The following PCDH15 variants were observed in gnomAD, a reference collection of about 807,000 sequenced individuals.
PCDH15 encodes protocadherin-15.
In PCDH15, 129 loss-of-function variants were observed where a neutral mutation model predicts 178.5. The observed-to-expected ratio is 0.72, with a 90% CI of 0.63 to 0.84. The LOEUF (loss-of-function observed/expected upper bound fraction) is 0.84, where lower values mean the gene tolerates loss of function less well. Ranked by LOEUF, PCDH15 falls within the 40% of genes least tolerant of loss-of-function variation. The probability of loss-of-function intolerance (pLI) is 0.00; values close to 1 mark genes in which losing one functional copy is unlikely to be tolerated. For missense variants in PCDH15, 2,230 were observed against 2,099.9 expected (o/e 1.06, Z -1.21); for synonymous variants, 800 against 732.0 (o/e 1.09, Z -1.50).
At chr10:55,198,461 G>C (rs1840153397) in intron 1 of PCDH15, among the ~76,000 whole-genome samples, 1 of 152,018 alleles carries the variant, frequency 6.6e-6, no homozygotes, top group South Asian at 2.1e-4. Context: ...GTGTTTAAAA[G>C]CTGCTTTTAA....
chr10:55,193,685 ATG>A (rs1374817047), intron 1 of PCDH15, among the ~76,000 whole-genome samples: 4 of 151,974 alleles, frequency 2.6e-5, no homozygotes, highest in African/African-American at 9.7e-5. Context: ...TTTTCAACTT[ATG>A]TGTGTTTTTA....
chr10:55,304,014 T>C (rs1336878724), intron 1 of PCDH15, among the ~76,000 whole-genome samples: 1 of 152,192 alleles, frequency 6.6e-6, no homozygotes, highest in African/African-American at 2.4e-5. Context: ...TCTTCAAATG[T>C]ATGTATTTAG....
At chr10:55,377,281 T>G (rs1312618341) in intron 2 of PCDH15, among the ~76,000 whole-genome samples, 1 of 151,934 alleles carries the variant, frequency 6.6e-6, no homozygotes, top group African/African-American at 2.4e-5. Flanking sequence ...GCAGTTTGAC[T>G]TGCTATATGT....
chr10:54,354,290 G>A (rs892272442), intron 5 of PCDH15, among the ~76,000 whole-genome samples: 5 of 152,132 alleles, frequency 3.3e-5, no homozygotes, highest in African/African-American at 4.8e-5. Flanking sequence ...CGGCCCATAT[G>A]AGCTTAGAAG....
chr10:54,780,204 A>AG (rs1384320843), intron 1 of PCDH15, among the ~76,000 whole-genome samples: 48 of 152,326 alleles, frequency 3.2e-4, no homozygotes, highest in African/African-American at 1.1e-3. Flanking sequence ...TGAGCAAGCC[A>AG]GCAAGAAAGC....
At chr10:54,437,552 T>C (rs1196221695) in intron 3 of PCDH15, among the ~76,000 whole-genome samples, 1 of 152,186 alleles carries the variant, frequency 6.6e-6, no homozygotes, top group Non-Finnish European at 1.5e-5. Flanking sequence ...GATAACATGA[T>C]AAATAGGAAT....
rs1290641259 is a variant in PCDH15, at chr10:54,421,891, C to CACACTATATATATATAT, written c.158-42966_158-42950dup. On this transcript the variant is annotated intron_variant, in intron 3 of 37. Transcript: ENST00000644397. ...CACACTATATATATATATACACACACACACTATATATATATATACACTATA... is the reference window on the plus strand; with the variant it reads ...CACACTATATATATATATACACACACACACTATATATATATATACACTATATATATATATACACTATA... Among the ~76,000 whole-genome samples, 251 of 80,244 alleles carry CACACTATATATATATAT rather than the reference C, an allele frequency of 3.1e-3. 4 individuals carry two copies. Among genetic ancestry groups the CACACTATATATATATAT allele is most frequent in the Non-Finnish European group, 5.3e-3 (216 of 40,696 alleles). The allele number at this position is 80,244 out of a possible 152,430, so 52.6% of individuals were successfully genotyped here.
intron 2 of PCDH15, among the ~76,000 whole-genome samples, chr10:54,963,857 G>A (rs1444721585): frequency 6.6e-6 from 1 of 152,134 alleles, no homozygotes; most frequent in African/African-American, 2.4e-5. Flanking sequence ...AAACAGAAAG[G>A]CAATCACTGT....
At chr10:54,231,416 T>C (rs142836994) in intron 9 of PCDH15, among the ~76,000 whole-genome samples, 1 of 152,226 alleles carries the variant, frequency 6.6e-6, no homozygotes, top group Non-Finnish European at 1.5e-5. Flanking sequence ...TGTCTGGATG[T>C]CCAGGCAGAA....
intron 1 of PCDH15, among the ~76,000 whole-genome samples, chr10:55,238,429 C>T (rs951470121): frequency 6.6e-6 from 1 of 152,062 alleles, no homozygotes; most frequent in Non-Finnish European, 1.5e-5. Flanking sequence ...GGATTAAAGG[C>T]GTGAGCCACC....
At chr10:54,823,391 G>A (rs1482913178) in intron 3 of PCDH15, among the ~76,000 whole-genome samples, 1 of 152,038 alleles carries the variant, frequency 6.6e-6, no homozygotes, top group Admixed American at 6.6e-5. Context: ...TTATTCTACA[G>A]CAAGAAAGAC....
intron 1 of PCDH15, among the ~76,000 whole-genome samples, chr10:54,706,331 C>T (rs1419916284): frequency 6.6e-6 from 1 of 152,076 alleles, no homozygotes; most frequent in Non-Finnish European, 1.5e-5. Flanking sequence ...TAGAAAAGTA[C>T]TGTTAGAAAT....
At chr10:54,416,880 G>A (rs1954496282) in intron 3 of PCDH15, among the ~76,000 whole-genome samples, 1 of 152,192 alleles carries the variant, frequency 6.6e-6, no homozygotes, top group Non-Finnish European at 1.5e-5. Flanking sequence ...GATCCCTGAT[G>A]TTGAGCATTT....
At chr10:55,490,811 A>G (rs377638734) in intron 2 of PCDH15, among the ~76,000 whole-genome samples, 1 of 151,940 alleles carries the variant, frequency 6.6e-6, no homozygotes, top group East Asian at 2.0e-4. Context: ...AAGCTTAAGG[A>G]AGATAAACAC....
chr10:54,827,655 C>T (rs568857579), intron 3 of PCDH15, among the ~76,000 whole-genome samples: 6 of 152,048 alleles, frequency 3.9e-5, no homozygotes, highest in Admixed American at 6.6e-5. Flanking sequence ...TGGCAGAAAA[C>T]AACTGCATCT....
intron 32 of PCDH15, among the ~76,000 whole-genome samples, chr10:53,826,042 C>CTTT (rs1022930176): frequency 2.6e-5 from 4 of 151,108 alleles, no homozygotes; most frequent in African/African-American, 9.7e-5. Flanking sequence ...ACACATAATC[C>CTTT]TTTTTTTTAG....
At chr10:55,585,363 T>C (rs374575410) in intron 2 of PCDH15, among the ~76,000 whole-genome samples, 4 of 152,164 alleles carry the variant, frequency 2.6e-5, no homozygotes, top group African/African-American at 9.7e-5. Context: ...AAACTTCTGT[T>C]ACAACACTTC....
intron 3 of PCDH15, among the ~76,000 whole-genome samples, chr10:54,825,892 A>C (rs1953123440): frequency 1.3e-5 from 2 of 152,134 alleles, no homozygotes; most frequent in Admixed American, 1.3e-4. Flanking sequence ...CATGTAAAAC[A>C]TCAGGAAGTA....
intron 2 of PCDH15, among the ~76,000 whole-genome samples, chr10:55,070,747 C>A (rs1841716339): frequency 1.3e-5 from 2 of 152,210 alleles, no homozygotes; most frequent in South Asian, 4.1e-4. Context: ...TTAGGATTGA[C>A]TTGGTGATGT....
Sources: allele counts gnomAD v4.1 joint callset (sites outside exome capture counted in the v4.1 genomes callset), GRCh38; gene constraint gnomAD v4.1.1; transcripts MANE v1.5; gene names NCBI Gene and HGNC (gene_info 2026-07-23, HGNC 2026-07-21).